Variants in ANKS1B observed in about 807,000 individuals in gnomAD.
ANKS1B encodes the protein ankyrin repeat and sterile alpha motif domain containing 1B, also known as ankyrin repeat and sterile alpha motif domain-containing protein 1B.
In ANKS1B, 36 loss-of-function variants were observed where a neutral mutation model predicts 148.3. The ratio of observed to expected loss-of-function variants is 0.24; its 90% CI spans 0.19 to 0.32. The LOEUF is 0.32. Ranked by LOEUF, ANKS1B falls within the 10% of genes least tolerant of loss-of-function variation. ANKS1B has a pLI of 1.00. For missense variants in ANKS1B, 1,157 were observed against 1,542.6 expected (o/e 0.75, Z 4.19); for synonymous variants, 542 against 560.8 (o/e 0.97, Z 0.47).
At chr12:99,016,566 G>T (rs190617339) in intron 17 of ANKS1B, among the ~76,000 whole-genome samples, 105 of 152,302 alleles carry the variant, frequency 6.9e-4, no homozygotes, top group African/African-American at 2.5e-3. Flanking sequence ...TGAGGTAGGA[G>T]ACTTGCTTGA....
At chr12:99,392,918 T>C (rs1402480583) in intron 12 of ANKS1B, among the ~76,000 whole-genome samples, 1 of 145,634 alleles carries the variant, frequency 6.9e-6, no homozygotes, top group Non-Finnish European at 1.5e-5. Context: ...GATTTTCAAA[T>C]TAAAATGTTC....
At chr12:99,423,783 A>G (rs547813785) in intron 11 of ANKS1B, among the ~76,000 whole-genome samples, 1 of 152,300 alleles carries the variant, frequency 6.6e-6, no homozygotes, top group South Asian at 2.1e-4. Flanking sequence ...TGGGAGCTAA[A>G]TGGTGAGAAC....
chr12:99,384,872 C>T (rs756714135), intron 12 of ANKS1B, among the ~76,000 whole-genome samples: 20 of 152,090 alleles, frequency 1.3e-4, no homozygotes, highest in Non-Finnish European at 2.5e-4. Context: ...TGTCTTCCCA[C>T]TATTATATTA....
rs149016910 is a variant in ANKS1B, at chr12:98,831,669, T to C, written c.2886+360A>G. The C allele has an allele frequency of 8.9e-3, 1,698 of 191,004 alleles. 14 individuals are homozygous for C. Among genetic ancestry groups the C allele is most frequent in the Non-Finnish European group, 0.014 (1,283 of 91,288 alleles). The allele number at this position is 191,004 out of a possible 1,614,324, so 11.8% of individuals were successfully genotyped here. On this transcript the variant is annotated intron_variant, in intron 18 of 26. Transcript: ENST00000683438. ...AGACAGATTGTTTTCTACACAGATA[T>C]GGTAAACTTCATAGAAAAGAGCCAG... is the stretch of plus-strand genomic sequence containing the variant.
intron 8 of ANKS1B, among the ~76,000 whole-genome samples, chr12:99,758,075 C>A (rs1325799141): frequency 6.6e-6 from 1 of 151,772 alleles, no homozygotes; most frequent in East Asian, 1.9e-4. Context: ...CACATGTAAC[C>A]CTGAACTTAA....
chr12:99,219,091 G>C (rs2084686908), intron 14 of ANKS1B, among the ~76,000 whole-genome samples: 1 of 152,150 alleles, frequency 6.6e-6, no homozygotes, highest in African/African-American at 2.4e-5. Context: ...TCTCATTAGA[G>C]ATCTGGTAGT....
chr12:99,154,664 T>A, intron 14 of ANKS1B: 1 of 1,439,074 alleles, frequency 6.9e-7, no homozygotes, highest in Non-Finnish European at 9.1e-7. Context: ...CAGTACGTCA[T>A]ACAGCCCCCA....
At chr12:99,121,743 A>C (rs143141555) in intron 15 of ANKS1B, among the ~76,000 whole-genome samples, 53 of 152,320 alleles carry the variant, frequency 3.5e-4, no homozygotes, top group Non-Finnish European at 7.1e-4. Flanking sequence ...GGTGAATGAA[A>C]AGAATTATCC....
intron 9 of ANKS1B, among the ~76,000 whole-genome samples, chr12:99,535,069 T>C (rs145265317): frequency 5.3e-5 from 8 of 152,278 alleles, no homozygotes; most frequent in African/African-American, 1.9e-4. Context: ...TTTGATGGCA[T>C]AAAATTCTGG....
intron 4 of ANKS1B, among the ~76,000 whole-genome samples, chr12:99,792,341 A>G (rs1271933586): frequency 6.6e-6 from 1 of 151,950 alleles, no homozygotes; most frequent in East Asian, 1.9e-4. Context: ...AATCCTATTC[A>G]AACTGTTCTG....
At chr12:99,595,585 T>C (rs1241315734) in intron 9 of ANKS1B, among the ~76,000 whole-genome samples, 3 of 151,896 alleles carry the variant, frequency 2.0e-5, no homozygotes, top group Non-Finnish European at 4.4e-5. Context: ...TATGTCCAAC[T>C]GAACAAATTA....
At chr12:99,549,161 T>C (rs1567326844) in intron 9 of ANKS1B, among the ~76,000 whole-genome samples, 1 of 152,154 alleles carries the variant, frequency 6.6e-6, no homozygotes, top group Non-Finnish European at 1.5e-5. Context: ...CATCAACCCA[T>C]GTGAACAGTC....
At chr12:99,335,462 T>C (rs2088627611) in intron 12 of ANKS1B, among the ~76,000 whole-genome samples, 1 of 151,846 alleles carries the variant, frequency 6.6e-6, no homozygotes, top group African/African-American at 2.4e-5. Context: ...ATTCTATTTT[T>C]TTTAACCCAT....
chr12:99,819,553 T>C (rs544270627), intron 2 of ANKS1B, among the ~76,000 whole-genome samples: 22 of 151,834 alleles, frequency 1.4e-4, no homozygotes, highest in African/African-American at 4.6e-4. Context: ...GGTAGAAGAA[T>C]AGAAAATATC....
At chr12:99,327,142 CAAT>C (rs1483499031) in intron 12 of ANKS1B, among the ~76,000 whole-genome samples, 19 of 112,976 alleles carry the variant, frequency 1.7e-4, no homozygotes, top group African/African-American at 6.0e-4. Context: ...TATTAATATA[CAAT>C]AATATATAAT....
At chr12:99,513,427 G>C (rs938911505) in intron 9 of ANKS1B, among the ~76,000 whole-genome samples, 2 of 151,982 alleles carry the variant, frequency 1.3e-5, no homozygotes, top group Admixed American at 6.6e-5. Flanking sequence ...TTGATTAGTG[G>C]AGCGTTTAAA....
Position 99,581,626 on chromosome 12 carries a change from C to G in ANKS1B, c.1272+73441G>C, listed in dbSNP as rs927208848. 7.3e-5 allele frequency among the ~76,000 whole-genome samples: 11 copies of G among 151,606 alleles called. 1 individual carries two copies. The highest frequency in any genetic ancestry group is 2.6e-4 in the Admixed American group (4 of 15,232). ...GAAAAGTCGGCCGGGCGCGGTGGCT[C>G]ACGCCTGTAATCCCAGCACTTTGGG... On this transcript the variant is annotated intron_variant, in intron 9 of 26. Coordinates refer to ENST00000683438, the MANE Select transcript of ANKS1B (RefSeq NM_001352186.2).
At chr12:99,052,788 T>C (rs1417752435) in intron 17 of ANKS1B, among the ~76,000 whole-genome samples, 5 of 123,810 alleles carry the variant, frequency 4.0e-5, no homozygotes, top group Admixed American at 2.4e-4. Flanking sequence ...ATGATAGAGA[T>C]AGAAAACTAA....
intron 1 of ANKS1B, among the ~76,000 whole-genome samples, chr12:99,941,003 T>C (rs2094905569): frequency 6.6e-6 from 1 of 152,172 alleles, no homozygotes; most frequent in South Asian, 2.1e-4. Context: ...AATGTCTCTC[T>C]TCCTCAATAG....
Sources: allele counts gnomAD v4.1 joint callset (sites outside exome capture counted in the v4.1 genomes callset), GRCh38; gene constraint gnomAD v4.1.1; transcripts MANE v1.5; gene names NCBI Gene and HGNC (gene_info 2026-07-23, HGNC 2026-07-21).